The following TSBP1 variants were observed in gnomAD, a reference collection of about 807,000 sequenced individuals.
TSBP1 encodes the protein testis expressed basic protein 1, also known as testis-expressed basic protein 1.
Under a neutral mutation model 68.8 loss-of-function variants are expected in TSBP1, and 56 were observed. The observed-to-expected ratio is 0.81, with a 90% confidence interval of 0.66 to 1.02. TSBP1 has a LOEUF of 1.02. Among genes scored for constraint, TSBP1 ranks in the 50% least tolerant of loss-of-function variants. TSBP1 has a pLI of 0.00. For synonymous variants in TSBP1, 171 were observed against 208.7 expected (o/e 0.82, Z 1.56); for missense variants, 502 against 641.2 (o/e 0.78, Z 2.34).
intron 19 of TSBP1, among the ~76,000 whole-genome samples, chr6:32,313,166 T>C (rs1766587215): frequency 6.6e-6 from 1 of 151,970 alleles, no homozygotes; most frequent in Non-Finnish European, 1.5e-5. Flanking sequence ...ATGTTGTACT[T>C]GTTCCTTTTG....
chr6:32,320,561 C>T (rs1460561489), intron 18 of TSBP1, among the ~76,000 whole-genome samples: 1 of 152,052 alleles, frequency 6.6e-6, no homozygotes, highest in African/African-American at 2.4e-5. Context: ...CTGTTCCCAC[C>T]AAGAGCTTAA....
At chr6:32,331,930 GATTTTCAGCTTCTTTAACCCAGATACTT>G (rs986059408) in intron 15 of TSBP1, 76 bp downstream of exon 16, 1 of 851,272 alleles carries the variant, frequency 1.2e-6, no homozygotes, top group Non-Finnish European at 2.0e-6. Context: ...TAAGAAATAT[GATTTTCAGCTTCTTTAACCCAGATACTT>G]AAACAGTTGG....
intron 22 of TSBP1, among the ~76,000 whole-genome samples, chr6:32,298,492 T>G (rs765079738): frequency 5.3e-5 from 8 of 151,960 alleles, no homozygotes; most frequent in Non-Finnish European, 7.4e-5. Context: ...GGCAGGAGAA[T>G]CACTTGAACC....
intron 1 of TSBP1, among the ~76,000 whole-genome samples, chr6:32,371,282 T>C (rs998227463): frequency 6.6e-6 from 1 of 152,158 alleles, no homozygotes; most frequent in Non-Finnish European, 1.5e-5. Context: ...GTGTCTGAAA[T>C]GCCCTGTCTA....
intron 9 of TSBP1, among the ~76,000 whole-genome samples, chr6:32,344,064 C>A (rs1328832099): frequency 6.6e-6 from 1 of 151,802 alleles, no homozygotes; most frequent in Non-Finnish European, 1.5e-5. Context: ...TTCTCACCAT[C>A]TTTTGGAACT....
At chr6:32,334,183 A>C (rs2022536) in intron 14 of TSBP1, among the ~76,000 whole-genome samples, 23,582 of 151,638 alleles carry the variant, frequency 0.16, 2,215 homozygotes, top group East Asian at 0.29. Flanking sequence ...CTTTCTCAAC[A>C]TACTCATTTC....
rs533885 is a variant in TSBP1, at chr6:32,325,375, A to G, written c.515-1761T>C. The G allele has an allele frequency of 0.42, 394,669 of 950,584 alleles. 86,288 individuals carry two copies. Among genetic ancestry groups the G allele is most frequent in the Middle Eastern group, 0.56 (1,811 of 3,216 alleles). The allele number at this position is 950,584 out of a possible 1,614,324, so 58.9% of individuals were successfully genotyped here. ...GGTCATGAGAGATCCAAACCCAAGC[A>G]CTCCAGGGGCTTTGGATTTTTCACA... On this transcript the variant is annotated intron_variant, in intron 16 of 22. Transcript: ENST00000612031. The surrounding 1 kb of genome is among the most constrained non-coding windows in gnomAD (Gnocchi z 4.4).
intron 6 of TSBP1, among the ~76,000 whole-genome samples, chr6:32,356,504 G>A (rs553228498): frequency 2.6e-5 from 4 of 152,284 alleles, no homozygotes; most frequent in South Asian, 4.1e-4. Context: ...TGTGTTACCT[G>A]AGGTCAGGAG....
At chr6:32,293,330 G>A in exon 23 of TSBP1, 1 of 1,612,350 alleles carries the variant, frequency 6.2e-7, no homozygotes, top group South Asian at 1.1e-5. Context: ...CAGTACACCT[G>A]CCTCACTCTT....
rs535182488 is a variant in TSBP1 at position 32,336,342 on chromosome 6, A to G, written c.430+273T>C. Among the ~76,000 whole-genome samples the G allele has an allele frequency of 6.6e-6, 1 of 152,308 alleles. No individual in the cohort carries two copies. Among genetic ancestry groups the G allele is most frequent in the Non-Finnish European group, 1.5e-5 (1 of 68,024 alleles). Reference sequence around the variant, plus strand: ...GTTTTGGTTTATATTTTTAAATGTTAGCCTGTGAGATTTCTTAACACTTCG... The same window carrying G: ...GTTTTGGTTTATATTTTTAAATGTTGGCCTGTGAGATTTCTTAACACTTCG... On this transcript the variant is annotated intron_variant, in intron 12 of 22. Coordinates refer to ENST00000612031, the Ensembl canonical transcript of TSBP1. The surrounding 1 kb of genome is among the most constrained non-coding windows in gnomAD (Gnocchi z 5.2).
At position 32,365,795 on chromosome 6, in the gene TSBP1, C is replaced by A; in HGVS notation, c.217+372G>T. ...TCTGTTCTAGGATTTTATAACCTGA[C>A]AGCGTGCTGGAACTTCTCTGCTGGA... On this transcript the variant is annotated intron_variant, in intron 6 of 22. Coordinates refer to ENST00000612031, the Ensembl canonical transcript of TSBP1. This position sits in a 1 kb window ranked among gnomAD's most constrained non-coding sequence, Gnocchi z 4.3. 1 of 403,962 alleles carries A rather than the reference C, an allele frequency of 2.5e-6. No individual in the cohort carries two copies. The highest frequency in any genetic ancestry group is 4.8e-6 in the Non-Finnish European group (1 of 207,198). 25.0% of individuals were successfully genotyped at this position (403,962 alleles called of 1,614,324 possible). A position where few individuals can be genotyped will look rare whatever the true frequency, so the allele number is the denominator to read the frequency against.
intron 1 of TSBP1, 140 bp from the exon 2 acceptor site, chr6:32,370,123 A>G (rs1774217743): frequency 6.2e-6 from 4 of 646,242 alleles, no homozygotes; most frequent in African/African-American, 1.8e-5. Flanking sequence ...TTATTCTTTT[A>G]TTTGCCGCAT....
chr6:32,325,546 G>A lies in TSBP1; in HGVS notation c.515-1932C>T, dbSNP rs1768130169. 1.2e-6 allele frequency: 1 copy of A among 852,000 alleles called. No homozygotes were observed. Among genetic ancestry groups the A allele is most frequent in the South Asian group, 1.3e-5 (1 of 76,430 alleles). The allele number at this position is 852,000 out of a possible 1,614,324, so 52.8% of individuals were successfully genotyped here. ...TTAACTGTGAAAAAGATATATGCTGGTGGCATTAAAGAAGACACTGAAGAA... is the reference window on the plus strand; with the variant it reads ...TTAACTGTGAAAAAGATATATGCTGATGGCATTAAAGAAGACACTGAAGAA... On this transcript the variant is annotated intron_variant, in intron 16 of 22. Transcript: ENST00000612031. This position sits in a 1 kb window ranked among gnomAD's most constrained non-coding sequence, Gnocchi z 4.4.
At chr6:32,344,958 T>G (rs1046851071) in intron 9 of TSBP1, among the ~76,000 whole-genome samples, 4 of 152,044 alleles carry the variant, frequency 2.6e-5, no homozygotes, top group Non-Finnish European at 5.9e-5. Flanking sequence ...TGGGCTCAAG[T>G]GATCCTCCCA....
intron 16 of TSBP1, 55 bp from the exon 18 acceptor site, chr6:32,323,669 T>C (rs1767903333): frequency 6.4e-7 from 1 of 1,554,284 alleles, no homozygotes; most frequent in African/African-American, 1.4e-5. Flanking sequence ...ATATTTTCCT[T>C]TCTATGTAGA....
At chr6:32,341,205 T>C (rs1770309903) in intron 9 of TSBP1, among the ~76,000 whole-genome samples, 1 of 151,938 alleles carries the variant, frequency 6.6e-6, no homozygotes, top group African/African-American at 2.4e-5. Flanking sequence ...AAGAAGAAGA[T>C]AAAAAAAACT....
intron 9 of TSBP1, among the ~76,000 whole-genome samples, chr6:32,342,050 C>CTT (rs10689236): frequency 0.033 from 3,908 of 120,232 alleles, 75 homozygotes; most frequent in Middle Eastern, 0.067. Context: ...AAAATGTGTT[C>CTT]TTTTTTTTTT....
At position 32,298,578 on chromosome 6, in the gene TSBP1, C is replaced by CA. The variant is rs759335928; in HGVS notation, c.637+1343dup. ...TGGGCGACAAGAACGAAACTTTGTC[C>CA]AAAAAAAAAAAAATTAATTAATTGC... On this transcript the variant is annotated intron_variant, in intron 22 of 22. Transcript: ENST00000612031. Among the ~76,000 whole-genome samples, 216 of 143,114 alleles carry CA rather than the reference C, an allele frequency of 1.5e-3. 2 individuals are homozygous for CA. The highest frequency in any genetic ancestry group is 3.7e-3 in the African/African-American group (145 of 39,064). 93.9% of individuals were successfully genotyped at this position (143,114 alleles called of 152,430 possible). A position where few individuals can be genotyped will look rare whatever the true frequency, so the allele number is the denominator to read the frequency against.
At chr6:32,355,174 G>A in intron 7 of TSBP1, 30 bp from the exon 8 acceptor site, 1 of 1,608,578 alleles carries the variant, frequency 6.2e-7, no homozygotes, top group Non-Finnish European at 8.5e-7. Flanking sequence ...AACATGAGGT[G>A]AATCATGAGA....
Sources: gnomAD v4.1 joint callset for allele counts (sites outside exome capture counted in the v4.1 genomes callset) on GRCh38, gnomAD v4.1.1 for gene constraint, Gnocchi (gnomAD v3.1) non-coding constraint, MANE v1.5 for transcripts, NCBI Gene and HGNC (gene_info 2026-07-23, HGNC 2026-07-21) for gene names.